The following UQCC4 variants were observed in gnomAD, a reference collection of about 807,000 sequenced individuals.
UQCC4 encodes the protein cattle cerebrum and skeletal muscle-specific protein 1 family member.
At chr16:1,420,618 A>G in the UQCC4 span, 1 of 1,563,578 alleles carries the variant, frequency 6.4e-7, no homozygotes, top group Non-Finnish European at 8.7e-7. Flanking sequence ...CGGCCCTGGA[A>G]GAGAGAGAGC....
chr16:1,420,124 C>T, the UQCC4 span: 1 of 1,613,350 alleles, frequency 6.2e-7, no homozygotes, highest in Non-Finnish European at 8.5e-7. Flanking sequence ...GTGCCCCATC[C>T]ACCAGCCAAG....
At chr16:1,419,884 A>G in the UQCC4 span, 2 of 1,380,172 alleles carry the variant, frequency 1.4e-6, no homozygotes, top group Non-Finnish European at 1.9e-6. Context: ...TCAGAAAGCA[A>G]ATTACCTGCA....
the UQCC4 span, chr16:1,420,502 C>A: frequency 3.7e-6 from 6 of 1,614,232 alleles, no homozygotes; most frequent in East Asian, 8.9e-5. Context: ...CTCAATGGGG[C>A]GGTCAGGGTC....
At chr16:1,420,701 G>T in the UQCC4 span, 1 of 1,543,840 alleles carries the variant, frequency 6.5e-7, no homozygotes. Context: ...CCCGGCCGCC[G>T]GGGCACACAA....
chr16:1,420,463 C>A, the UQCC4 span: 7 of 1,614,146 alleles, frequency 4.3e-6, no homozygotes, highest in Non-Finnish European at 5.1e-6. Context: ...CACCGACCAG[C>A]GGTGAGGGTT....
chr16:1,420,134 G>A, the UQCC4 span: 1 of 1,613,438 alleles, frequency 6.2e-7, no homozygotes, highest in Non-Finnish European at 8.5e-7. Flanking sequence ...CACCAGCCAA[G>A]TCCTTCAGTG....
the UQCC4 span, chr16:1,420,650 C>T: frequency 3.2e-6 from 5 of 1,550,966 alleles, no homozygotes; most frequent in Non-Finnish European, 4.4e-6. Flanking sequence ...CGCCCGCCCG[C>T]CGGTGTCTGC....
At chr16:1,420,648 C>A in the UQCC4 span, 3 of 1,551,130 alleles carry the variant, frequency 1.9e-6, no homozygotes, top group Non-Finnish European at 2.6e-6. Context: ...TCCGCCCGCC[C>A]GCCGGTGTCT....
At chr16:1,420,369 C>G in the UQCC4 span, 1 of 1,614,232 alleles carries the variant, frequency 6.2e-7, no homozygotes, top group Non-Finnish European at 8.5e-7. Flanking sequence ...TCAGGTAGCA[C>G]CAGATGATCA....
At chr16:1,420,023 G>C in the UQCC4 span, 4 of 1,608,390 alleles carry the variant, frequency 2.5e-6, no homozygotes, top group Non-Finnish European at 2.5e-6. Flanking sequence ...AAGTCTTGCC[G>C]ATGGAATCCT....
At chr16:1,420,053 G>C in the UQCC4 span, 1 of 1,612,168 alleles carries the variant, frequency 6.2e-7, no homozygotes, top group Non-Finnish European at 8.5e-7. Context: ...AGAGCCAGGC[G>C]AGGAGCAGTT....
the UQCC4 span, chr16:1,420,093 C>T: frequency 1.2e-6 from 2 of 1,613,282 alleles, no homozygotes; most frequent in African/African-American, 1.3e-5. Flanking sequence ...GCTCCGCCTT[C>T]ACGCGAATCA....
chr16:1,419,905 G>A, the UQCC4 span: 1 of 1,433,198 alleles, frequency 7.0e-7, no homozygotes, highest in Non-Finnish European at 9.4e-7. Context: ...AACTAACACT[G>A]GATGACAAGT....
At chr16:1,419,996 T>C in the UQCC4 span, 1 of 1,598,558 alleles carries the variant, frequency 6.3e-7, no homozygotes, top group South Asian at 1.1e-5. Flanking sequence ...AACTGAAACC[T>C]TCCCCAAGGA....
the UQCC4 span, chr16:1,420,115 T>A: frequency 3.1e-6 from 5 of 1,613,366 alleles, no homozygotes; most frequent in Non-Finnish European, 4.2e-6. Context: ...CATAGCCAAG[T>A]GCCCCATCCA....
At chr16:1,420,456 C>T in the UQCC4 span, 1 of 1,614,146 alleles carries the variant, frequency 6.2e-7, no homozygotes, top group Non-Finnish European at 8.5e-7. Flanking sequence ...TATGGCCCAC[C>T]GACCAGCGGT....
chr16:1,420,525 G>T, the UQCC4 span: 1 of 1,614,026 alleles, frequency 6.2e-7, no homozygotes, highest in African/African-American at 1.3e-5. Flanking sequence ...CCTCTTCCTC[G>T]GCGGCAGGGT....
At chr16:1,419,979 A>G in the UQCC4 span, 19 of 1,584,966 alleles carry the variant, frequency 1.2e-5, no homozygotes, top group Non-Finnish European at 1.5e-5. Context: ...CCAACAGCAT[A>G]CAGTGCAACT....
chr16:1,420,417 C>T, the UQCC4 span: 1 of 1,614,288 alleles, frequency 6.2e-7, no homozygotes, highest in Non-Finnish European at 8.5e-7. Context: ...GCACCTTCCA[C>T]CAGGGCCGCT....
Sources: allele counts gnomAD v4.1 joint callset, GRCh38; gene constraint gnomAD v4.1.1; transcripts MANE v1.5; gene names NCBI Gene and HGNC (gene_info 2026-07-23, HGNC 2026-07-21).